EYA3: variants seen among roughly 807,000 people sequenced by gnomAD.
The protein encoded by EYA3 is protein phosphatase EYA3.
In EYA3, 39 loss-of-function variants were observed where a neutral mutation model predicts 80.0. The observed-to-expected ratio is 0.49, with a 90% confidence interval of 0.38 to 0.64. The LOEUF (loss-of-function observed/expected upper bound fraction) is 0.64, where lower values mean the gene tolerates loss of function less well. Ranked by LOEUF, EYA3 falls within the 30% of genes least tolerant of loss-of-function variation. The probability of loss-of-function intolerance (pLI) is 0.00; values close to 1 mark genes in which losing one functional copy is unlikely to be tolerated. For missense variants in EYA3, 523 were observed against 676.1 expected (o/e 0.77, Z 2.51); for synonymous variants, 206 against 232.8 (o/e 0.88, Z 1.05).
chr1:28,080,846 G>A (rs1645398027), intron 1 of EYA3, among the ~76,000 whole-genome samples: 1 of 152,088 alleles, frequency 6.6e-6, no homozygotes, highest in Admixed American at 6.5e-5. Context: ...CGCCTCCTGG[G>A]TTTAAGCGAT....
chr1:28,083,722 C>T (rs886711833), intron 1 of EYA3, among the ~76,000 whole-genome samples: 8 of 152,122 alleles, frequency 5.3e-5, no homozygotes, highest in African/African-American at 9.6e-5. Context: ...GTATCTATAA[C>T]GAAAGAACAT....
intron 4 of EYA3, 122 bp downstream of exon 4, chr1:28,042,449 G>A: frequency 1.3e-6 from 1 of 756,334 alleles, no homozygotes; most frequent in South Asian, 1.7e-5. Context: ...CAAAAACAAG[G>A]ATGGGAGAGC....
chr1:27,987,336 A>G (rs112026490), intron 16 of EYA3, among the ~76,000 whole-genome samples: 2,135 of 152,342 alleles, frequency 0.014, 30 homozygotes, highest in Middle Eastern at 0.051. Context: ...GTACGTGTAT[A>G]CCACATTTTG....
intron 1 of EYA3, among the ~76,000 whole-genome samples, chr1:28,081,728 C>T (rs1645436764): frequency 6.6e-6 from 1 of 152,126 alleles, no homozygotes; most frequent in African/African-American, 2.4e-5. Flanking sequence ...CGTTTTCAGT[C>T]ACTATGGAAA....
chr1:28,084,578 T>C lies in EYA3; in HGVS notation c.-69+3946A>G, dbSNP rs866737602. ...CAAAATATATATATATATATATATA[T>C]ATATATATATATATATATTTTTTTT... is the stretch of plus-strand genomic sequence containing the variant. On this transcript the variant is annotated intron_variant, in intron 1 of 17. Transcript: ENST00000373871. Among the ~76,000 whole-genome samples the C allele has an allele frequency of 5.5e-3, 82 of 14,882 alleles. 2 individuals carry two copies. Among genetic ancestry groups the C allele is most frequent in the South Asian group, 3.9e-3 (2 of 516 alleles). 9.8% of individuals were successfully genotyped at this position (14,882 alleles called of 152,430 possible).
intron 8 of EYA3, among the ~76,000 whole-genome samples, chr1:28,015,845 G>A (rs11590746): frequency 5.6e-4 from 85 of 152,198 alleles, no homozygotes; most frequent in Non-Finnish European, 1.0e-3. Context: ...GGTTTATTAA[G>A]AAAAATGTAG....
chr1:27,989,585 A>G (rs1258204231), intron 15 of EYA3, 112 bp downstream of exon 15: 1 of 555,882 alleles, frequency 1.8e-6, no homozygotes, highest in East Asian at 3.2e-5. Context: ...TACATCATTT[A>G]AACTCCTCTC....
chr1:28,004,878 G>A (rs1156929067), intron 10 of EYA3, among the ~76,000 whole-genome samples: 1 of 151,706 alleles, frequency 6.6e-6, no homozygotes, highest in Non-Finnish European at 1.5e-5. Flanking sequence ...AAACAACAGA[G>A]AAAAATCAAT....
intron 7 of EYA3, among the ~76,000 whole-genome samples, chr1:28,026,974 G>T (rs192997035): frequency 3.9e-5 from 6 of 152,190 alleles, no homozygotes; most frequent in African/African-American, 1.2e-4. Context: ...CATCACCAAA[G>T]TTTATACATT....
chr1:28,041,561 TA>T (rs113807633), intron 4 of EYA3, among the ~76,000 whole-genome samples: 50,381 of 142,128 alleles, frequency 0.35, 8,516 homozygotes, highest in East Asian at 0.52. Flanking sequence ...TCAAAAAACA[TA>T]AAAAAAAAAA....
intron 6 of EYA3, among the ~76,000 whole-genome samples, chr1:28,031,322 G>C (rs1328297957): frequency 6.6e-6 from 1 of 152,132 alleles, no homozygotes; most frequent in African/African-American, 2.4e-5. Context: ...TGATCCAATG[G>C]TTTGACTCCA....
chr1:28,064,700 C>A (rs932636367), intron 1 of EYA3, among the ~76,000 whole-genome samples: 2 of 151,894 alleles, frequency 1.3e-5, no homozygotes, highest in Non-Finnish European at 2.9e-5. Flanking sequence ...GTTGCCCAAG[C>A]TGGTCTCAAA....
chr1:27,986,972 G>T (rs887109782), intron 16 of EYA3, among the ~76,000 whole-genome samples: 3 of 152,202 alleles, frequency 2.0e-5, no homozygotes. Context: ...AAAGTGCTGG[G>T]ATTACAGGTG....
intron 1 of EYA3, among the ~76,000 whole-genome samples, chr1:28,072,036 C>T (rs1174935914): frequency 6.6e-6 from 1 of 152,044 alleles, no homozygotes; most frequent in Non-Finnish European, 1.5e-5. Flanking sequence ...TCTACAGAGA[C>T]CAATAGTCCC....
intron 2 of EYA3, among the ~76,000 whole-genome samples, chr1:28,052,328 T>C (rs1224111624): frequency 6.6e-6 from 1 of 152,108 alleles, no homozygotes; most frequent in East Asian, 1.9e-4. Flanking sequence ...CAAAACTTAC[T>C]ATAAAGCTAG....
chr1:28,042,759 T>G, intron 3 of EYA3, 109 bp from the exon 4 acceptor site: 1 of 821,812 alleles, frequency 1.2e-6, no homozygotes, highest in Non-Finnish European at 2.1e-6. Context: ...AGAGGCAAAG[T>G]AAATCTTCGT....
intron 8 of EYA3, among the ~76,000 whole-genome samples, chr1:28,014,391 A>T (rs1641893930): frequency 7.6e-6 from 1 of 131,330 alleles, no homozygotes; most frequent in Non-Finnish European, 1.5e-5. Context: ...GCACCACTGC[A>T]CTCTAGCCTA....
chr1:28,011,927 G>A (rs770647549), intron 9 of EYA3, among the ~76,000 whole-genome samples: 1 of 152,100 alleles, frequency 6.6e-6, no homozygotes, highest in Non-Finnish European at 1.5e-5. Context: ...ACTGTGGAAT[G>A]GGTTGGATCC....
chr1:28,055,001 A>G (rs1317434079), intron 2 of EYA3, among the ~76,000 whole-genome samples: 1 of 152,260 alleles, frequency 6.6e-6, no homozygotes, highest in Non-Finnish European at 1.5e-5. Flanking sequence ...ATTACTGAAC[A>G]GACCTTTGTA....
Sources: allele counts gnomAD v4.1 joint callset (sites outside exome capture counted in the v4.1 genomes callset), GRCh38; gene constraint gnomAD v4.1.1; transcripts MANE v1.5; gene names NCBI Gene and HGNC (gene_info 2026-07-23, HGNC 2026-07-21).